The following PTPRD variants were observed in gnomAD, a reference collection of about 807,000 sequenced individuals.
PTPRD encodes protein tyrosine phosphatase receptor type D, also known as receptor-type tyrosine-protein phosphatase delta.
In PTPRD, 34 loss-of-function variants were observed where a neutral mutation model predicts 214.5. The observed-to-expected ratio is 0.16, with a 90% confidence interval of 0.12 to 0.21. PTPRD has a LOEUF of 0.21. Among genes scored for constraint, PTPRD ranks in the 10% least tolerant of loss-of-function variants. PTPRD has a pLI of 1.00. For synonymous variants in PTPRD, 1,128 were observed against 845.7 expected, an observed-to-expected ratio of 1.33 and a Z score of -5.79; for missense variants, 2,545 against 2,398.7, an observed-to-expected ratio of 1.06 and a Z score of -1.27.
chr9:9,423,557 A>C (rs1014048353), intron 8 of PTPRD, among the ~76,000 whole-genome samples: 1 of 152,230 alleles, frequency 6.6e-6, no homozygotes, highest in African/African-American at 2.4e-5. Context: ...CCGTGAGAAT[A>C]AGAGACAACA....
At chr9:9,854,128 A>G (rs2061082157) in intron 5 of PTPRD, among the ~76,000 whole-genome samples, 1 of 152,194 alleles carries the variant, frequency 6.6e-6, no homozygotes, top group Non-Finnish European at 1.5e-5. Flanking sequence ...GTAACCATTG[A>G]CAGATCTCAT....
At chr9:9,132,975 A>G (rs1362109490) in intron 10 of PTPRD, among the ~76,000 whole-genome samples, 1 of 152,224 alleles carries the variant, frequency 6.6e-6, no homozygotes, top group Non-Finnish European at 1.5e-5. Context: ...CAGGAAACAA[A>G]AGACATTAGT....
chr9:9,035,035 A>G (rs2099617108), intron 10 of PTPRD, among the ~76,000 whole-genome samples: 1 of 152,072 alleles, frequency 6.6e-6, no homozygotes, highest in African/African-American at 2.4e-5. Flanking sequence ...TGTGGCTCAT[A>G]GAGTCTGGAT....
Position 8,690,107 on chromosome 9 carries a change from T to TA in PTPRD, c.64+43672dup, listed in dbSNP as rs74902579. Among the ~76,000 whole-genome samples the TA allele has an allele frequency of 2.9e-3, 382 of 131,134 alleles. 2 individuals carry two copies. Among genetic ancestry groups the TA allele is most frequent in the East Asian group, 9.5e-3 (44 of 4,612 alleles). The allele number at this position is 131,134 out of a possible 152,430, so 86.0% of individuals were successfully genotyped here. On this transcript the variant is annotated intron_variant, in intron 12 of 45. Coordinates refer to ENST00000381196, the MANE Select transcript of PTPRD (RefSeq NM_002839.4). ...TAGGAGTTACAGCGAGACTCCATCT[T>TA]AAAAAAAAAAAAAAAAGAAAAATTA...
intron 9 of PTPRD, among the ~76,000 whole-genome samples, chr9:9,386,012 C>A (rs1021542878): frequency 6.6e-6 from 1 of 151,950 alleles, no homozygotes; most frequent in African/African-American, 2.4e-5. Flanking sequence ...TTCAGAAGCC[C>A]AGTATGGCCT....
At chr9:10,282,202 C>A (rs1256814007) in intron 3 of PTPRD, among the ~76,000 whole-genome samples, 1 of 152,118 alleles carries the variant, frequency 6.6e-6, no homozygotes, top group Non-Finnish European at 1.5e-5. Context: ...ACTTAATATC[C>A]TTTGCTCTCT....
At chr9:9,776,470 T>C (rs778318891) in intron 5 of PTPRD, among the ~76,000 whole-genome samples, 1 of 152,182 alleles carries the variant, frequency 6.6e-6, no homozygotes, top group Non-Finnish European at 1.5e-5. Flanking sequence ...ATTTTTCTCA[T>C]CTAGCATCTA....
chr9:9,963,272 C>T (rs570267698), intron 4 of PTPRD, among the ~76,000 whole-genome samples: 1 of 151,996 alleles, frequency 6.6e-6, no homozygotes, highest in East Asian at 1.9e-4. Flanking sequence ...ATTGTATGTA[C>T]CTAAATTTCA....
chr9:9,861,247 A>C lies in PTPRD; in HGVS notation c.-368+77260T>G, dbSNP rs549360468. Among the ~76,000 whole-genome samples, 9 of 152,186 alleles carry C rather than the reference A, an allele frequency of 5.9e-5. No individual in the cohort carries two copies. The South Asian group carries it at 1.9e-3, about 32-fold the overall frequency. On this transcript the variant is annotated intron_variant, in intron 5 of 45. Transcript: ENST00000381196. The stretch of plus-strand genomic sequence containing the variant: ...ACTGCAGTGAGACTCACATGGTATG[A>C]AAGTAATTAAGATTGAAATAGTTAT...
At chr9:9,975,054 A>G (rs1354850196) in intron 4 of PTPRD, among the ~76,000 whole-genome samples, 1 of 104,884 alleles carries the variant, frequency 9.5e-6, no homozygotes, top group Non-Finnish European at 1.9e-5. Flanking sequence ...AGAAGGTCGT[A>G]TCACAATCAA....
chr9:9,729,514 A>G (rs1162619600), intron 7 of PTPRD, among the ~76,000 whole-genome samples: 1 of 152,184 alleles, frequency 6.6e-6, no homozygotes, highest in Admixed American at 6.6e-5. Flanking sequence ...AAACCCAGAT[A>G]TTAATGCACA....
chr9:10,178,889 A>C (rs1454992767), intron 3 of PTPRD, among the ~76,000 whole-genome samples: 2 of 151,994 alleles, frequency 1.3e-5, no homozygotes, highest in Non-Finnish European at 2.9e-5. Flanking sequence ...TACAATATAT[A>C]GATAAGTAAA....
rs1191096702 is a variant in PTPRD, at chr9:9,205,938, T to G, written c.-202-22575A>C. 1.3e-5 allele frequency among the ~76,000 whole-genome samples: 2 copies of G among 152,210 alleles called. 1 individual carries two copies. Among genetic ancestry groups the G allele is most frequent in the Non-Finnish European group, 2.9e-5 (2 of 68,022 alleles). On this transcript the variant is annotated intron_variant, in intron 9 of 45. Transcript: ENST00000381196. ...AAGTGACTTGAAGGGGAGAGCATGA[T>G]ACTGGGATGTAGTGAGTATAGCAGA...
At chr9:8,750,152 AT>A (rs2093367113) in intron 11 of PTPRD, among the ~76,000 whole-genome samples, 1 of 151,880 alleles carries the variant, frequency 6.6e-6, no homozygotes, top group Admixed American at 6.6e-5. Flanking sequence ...GTGCTAGGAG[AT>A]AGAAAAATAC....
At chr9:9,071,117 G>A (rs971900946) in intron 10 of PTPRD, among the ~76,000 whole-genome samples, 1 of 152,080 alleles carries the variant, frequency 6.6e-6, no homozygotes, top group Non-Finnish European at 1.5e-5. Flanking sequence ...GTCTCCCTAT[G>A]TTGCCAGTGC....
At chr9:9,653,049 A>G (rs1161132813) in intron 7 of PTPRD, among the ~76,000 whole-genome samples, 2 of 152,084 alleles carry the variant, frequency 1.3e-5, no homozygotes, top group Non-Finnish European at 2.9e-5. Context: ...TGCCCTTTAA[A>G]AAGTGCCTCA....
intron 11 of PTPRD, among the ~76,000 whole-genome samples, chr9:8,757,857 G>A (rs1306533176): frequency 6.6e-6 from 1 of 151,998 alleles, no homozygotes; most frequent in African/African-American, 2.4e-5. Flanking sequence ...TGACCTGTAT[G>A]GCATGAGACA....
At chr9:8,449,654 T>C in intron 34 of PTPRD, 71 bp downstream of exon 34, 1 of 1,373,174 alleles carries the variant, frequency 7.3e-7, no homozygotes. Context: ...TACCTTCAAC[T>C]CTTAATATCA....
chr9:9,908,063 A>G (rs1302772095), intron 5 of PTPRD, among the ~76,000 whole-genome samples: 2 of 112,706 alleles, frequency 1.8e-5, no homozygotes, highest in East Asian at 2.6e-4. Context: ...AGATTAGGAT[A>G]AAGAGAACAT....
Sources: allele counts gnomAD v4.1 joint callset (sites outside exome capture counted in the v4.1 genomes callset), GRCh38; gene constraint gnomAD v4.1.1; transcripts MANE v1.5; gene names NCBI Gene and HGNC (gene_info 2026-07-23, HGNC 2026-07-21).